The following ZNF83 variants were observed in gnomAD, a reference collection of about 807,000 sequenced individuals.
ZNF83 encodes the protein zinc finger protein 816B.
For missense variants in ZNF83, 552 were observed against 629.9 expected (o/e 0.88, Z 1.32); for synonymous variants, 209 against 213.0 (o/e 0.98, Z 0.17).
exon 3 of ZNF83, chr19:52,612,985 C>G: frequency 6.5e-7 from 1 of 1,530,034 alleles, no homozygotes; most frequent in Non-Finnish European, 8.8e-7. Context: ...TCTTACAAGG[C>G]TTTAATGCTA....
In ZNF83 at chr19:52,683,117, G is replaced by A. The variant is rs552608037; in HGVS notation, c.-283+7326C>T. Among the ~76,000 whole-genome samples the A allele has an allele frequency of 3.3e-5, 5 of 152,208 alleles. No individual in the cohort carries two copies. In the East Asian group the frequency reaches 7.7e-4, roughly 24 times the overall value. The stretch of plus-strand genomic sequence containing the variant: ...ACTCCTGACTTCAAGTGATCCACCC[G>A]CCTTGGCCTCCCAAAGTGCTGGCAT... On this transcript the variant is annotated intron_variant, in intron 1 of 5. Transcript: ENST00000594682.
intron 2 of ZNF83, among the ~76,000 whole-genome samples, chr19:52,623,570 C>T (rs1292519154): frequency 6.6e-6 from 1 of 152,170 alleles, no homozygotes; most frequent in Admixed American, 6.5e-5. Flanking sequence ...AGCCACATCT[C>T]ATTGCCGCCC....
At chr19:52,668,775 G>A (rs1182275297) in intron 1 of ZNF83, among the ~76,000 whole-genome samples, 2 of 152,216 alleles carry the variant, frequency 1.3e-5, no homozygotes, top group Non-Finnish European at 2.9e-5. Context: ...CAGGCCAGAG[G>A]CCCAGATTGT....
intron 3 of ZNF83, among the ~76,000 whole-genome samples, chr19:52,647,437 T>A (rs1285771733): frequency 6.6e-6 from 1 of 152,104 alleles, no homozygotes; most frequent in Non-Finnish European, 1.5e-5. Flanking sequence ...TGCACCATCA[T>A]GCCCTGTTAA....
At chr19:52,644,134 G>T (rs1242573975) in intron 3 of ZNF83, among the ~76,000 whole-genome samples, 1 of 152,014 alleles carries the variant, frequency 6.6e-6, no homozygotes, top group African/African-American at 2.4e-5. Context: ...AGGCCCCGAA[G>T]ATGGTCTCTG....
intron 1 of ZNF83, among the ~76,000 whole-genome samples, chr19:52,687,578 T>A (rs1344302096): frequency 0.013 from 502 of 38,456 alleles, 22 homozygotes; most frequent in African/African-American, 0.042. Flanking sequence ...TATATAAATT[T>A]TATATATATA....
intron 1 of ZNF83, among the ~76,000 whole-genome samples, chr19:52,666,168 A>AAC (rs569216244): frequency 5.9e-5 from 9 of 151,532 alleles, no homozygotes; most frequent in African/African-American, 2.2e-4. Context: ...CATCTCAAAA[A>AAC]AAAAAAAAAA....
At chr19:52,652,427 T>G in intron 3 of ZNF83, 1 of 383,438 alleles carries the variant, frequency 2.6e-6, no homozygotes, top group Non-Finnish European at 5.1e-6. Flanking sequence ...AGAGTAAGAC[T>G]TCATCTGAAA....
At chr19:52,664,689 G>A (rs939489825) in intron 1 of ZNF83, among the ~76,000 whole-genome samples, 1 of 150,158 alleles carries the variant, frequency 6.7e-6, no homozygotes, top group Non-Finnish European at 1.5e-5. Flanking sequence ...AGGAAGGGAT[G>A]CAGATTAAGT....
chr19:52,676,610 C>A (rs1215457584), intron 1 of ZNF83, among the ~76,000 whole-genome samples: 1 of 150,502 alleles, frequency 6.6e-6, no homozygotes, highest in African/African-American at 2.4e-5. Flanking sequence ...CTGGCCACCA[C>A]CCCGTCTGGG....
At chr19:52,660,108 G>A (rs113898066) in intron 2 of ZNF83, among the ~76,000 whole-genome samples, 4,318 of 151,920 alleles carry the variant, frequency 0.028, 207 homozygotes, top group African/African-American at 0.094. Flanking sequence ...GGAGAATTGC[G>A]GTGGTAAGAC....
exon 3 of ZNF83, chr19:52,614,536 T>G: frequency 6.2e-7 from 1 of 1,600,290 alleles, no homozygotes; most frequent in East Asian, 2.2e-5. Context: ...AACAGGCTGC[T>G]TTTGTGCATC....
At chr19:52,633,204 G>A (rs1225115689) in intron 2 of ZNF83, among the ~76,000 whole-genome samples, 2 of 151,288 alleles carry the variant, frequency 1.3e-5, no homozygotes, top group Non-Finnish European at 2.9e-5. Context: ...GCACCTTGTG[G>A]CCCCCACCCC....
intron 2 of ZNF83, among the ~76,000 whole-genome samples, chr19:52,659,931 G>C (rs541400996): frequency 6.6e-6 from 1 of 152,230 alleles, no homozygotes; most frequent in South Asian, 2.1e-4. Context: ...GGTAACTCAC[G>C]CCTGTAATCC....
chr19:52,661,743 G>A (rs532609998), intron 1 of ZNF83, among the ~76,000 whole-genome samples: 58 of 152,282 alleles, frequency 3.8e-4, no homozygotes, highest in African/African-American at 1.3e-3. Flanking sequence ...CAGCGAAGGA[G>A]CTAAAAGAAT....
At chr19:52,680,664 G>C (rs1042000590) in intron 1 of ZNF83, among the ~76,000 whole-genome samples, 4 of 132,200 alleles carry the variant, frequency 3.0e-5, no homozygotes, top group South Asian at 2.4e-4. Context: ...CCAGGCTGGA[G>C]TGCAGTGGCG....
chr19:52,638,966 C>T (rs547332681), upstream of ZNF83, among the ~76,000 whole-genome samples: 348 of 152,284 alleles, frequency 2.3e-3, 1 homozygote, highest in African/African-American at 7.2e-3. Context: ...CCGCAGGGCT[C>T]CCTTCCTCGT....
intron 2 of ZNF83, among the ~76,000 whole-genome samples, chr19:52,618,236 C>G (rs1211620207): frequency 2.0e-5 from 3 of 151,784 alleles, no homozygotes; most frequent in Non-Finnish European, 4.4e-5. Context: ...GGATTACAGA[C>G]ATGTGCCATC....
chr19:52,639,781 C>T (rs1451700912), upstream of ZNF83, among the ~76,000 whole-genome samples: 1 of 151,926 alleles, frequency 6.6e-6, no homozygotes, highest in African/African-American at 2.4e-5. Flanking sequence ...CAAAAAAAAT[C>T]TTCCCCCCAA....
Sources: allele counts gnomAD v4.1 joint callset (sites outside exome capture counted in the v4.1 genomes callset), GRCh38; gene constraint gnomAD v4.1.1; transcripts MANE v1.5; gene names NCBI Gene and HGNC (gene_info 2026-07-23, HGNC 2026-07-21).